Variants in RBFOX2 observed in about 807,000 individuals in gnomAD.
RBFOX2 encodes RNA binding protein fox-1 homolog 2.
A neutral mutation model predicts 49.1 loss-of-function variants in RBFOX2; 10 were observed. The observed-to-expected ratio is 0.20, with a 90% CI of 0.13 to 0.35. The LOEUF (loss-of-function observed/expected upper bound fraction) is 0.35. Ranked by LOEUF, RBFOX2 falls within the 10% of genes least tolerant of loss-of-function variation. RBFOX2 has a pLI of 1.00. For missense variants in RBFOX2, 323 were observed against 486.9 expected (o/e 0.66, Z 3.17); for synonymous variants, 183 against 187.4 (o/e 0.98, Z 0.19).
At chr22:35,829,655 C>T (rs79582383) in intron 1 of RBFOX2, among the ~76,000 whole-genome samples, 3,525 of 152,166 alleles carry the variant, frequency 0.023, 150 homozygotes, top group African/African-American at 0.08. Context: ...TATATATCTG[C>T]GATGACAAGT....
intron 1 of RBFOX2, among the ~76,000 whole-genome samples, chr22:35,902,443 G>T (rs150622738): frequency 2.8e-4 from 42 of 152,212 alleles, no homozygotes; most frequent in African/African-American, 9.9e-4. Context: ...TGTTGCTGAA[G>T]AAAAATCACA....
intron 9 of RBFOX2, 28 bp from the exon 11 acceptor site, chr22:35,756,172 AC>A: frequency 1.3e-6 from 2 of 1,485,026 alleles, no homozygotes; most frequent in East Asian, 5.3e-5. Flanking sequence ...AAAAACAAAA[AC>A]AAAAAAAACA....
Position 35,929,357 on chromosome 22 carries a change from A to G in RBFOX2, c.-34+9490T>C, listed in dbSNP as rs5755998. ...AATTCCACTCCTAGAAATCTACCCA[A>G]GAGAAATTAAAGTATGTCAACACAC... On this transcript the variant is annotated intron_variant, in intron 1 of 13. Transcript: ENST00000359369. Among the ~76,000 whole-genome samples, 135 of 152,192 alleles carry G rather than the reference A, an allele frequency of 8.9e-4. No individual in the cohort carries two copies. The East Asian group carries it at 0.021, about 24-fold the overall frequency.
intron 8 of RBFOX2, 131 bp downstream of exon 9, chr22:35,761,071 G>C: frequency 1.3e-6 from 1 of 743,638 alleles, no homozygotes; most frequent in South Asian, 1.8e-5. Flanking sequence ...CAGGGCACTG[G>C]GATAGTATTT....
intron 10 of RBFOX2, 114 bp downstream of exon 12, chr22:35,746,359 A>C (rs201583279): frequency 6.2e-4 from 610 of 988,140 alleles, no homozygotes; most frequent in Non-Finnish European, 7.6e-4. Context: ...GGCTGGCAAG[A>C]TGCCCGATGT....
chr22:35,811,398 A>T (rs1384828219), intron 1 of RBFOX2, among the ~76,000 whole-genome samples: 1 of 152,146 alleles, frequency 6.6e-6, no homozygotes, highest in Admixed American at 6.6e-5. Context: ...TTATAAGAAA[A>T]GGGAATGTGG....
At chr22:35,971,090 T>C (rs927758941) in intron 1 of RBFOX2, among the ~76,000 whole-genome samples, 2 of 152,124 alleles carry the variant, frequency 1.3e-5, no homozygotes, top group African/African-American at 4.8e-5. Context: ...AATCCTCTTT[T>C]AAGCTGTGCA....
chr22:35,821,300 A>C (rs1954409121), intron 1 of RBFOX2, among the ~76,000 whole-genome samples: 1 of 152,216 alleles, frequency 6.6e-6, no homozygotes, highest in African/African-American at 2.4e-5. Context: ...AGAGCTTATG[A>C]TTAAAAGCAG....
At chr22:35,761,053 A>T in intron 8 of RBFOX2, 149 bp downstream of exon 9, 1 of 679,542 alleles carries the variant, frequency 1.5e-6, no homozygotes, top group Non-Finnish European at 2.5e-6. Context: ...AGCACAGGTT[A>T]AGCAGGACAG....
intron 1 of RBFOX2, among the ~76,000 whole-genome samples, chr22:35,887,356 C>T (rs2046703189): frequency 2.0e-5 from 3 of 152,144 alleles, no homozygotes; most frequent in Admixed American, 1.3e-4. Flanking sequence ...CTGATCCCAT[C>T]TCCTGCACTT....
At chr22:35,950,585 G>C (rs1465642861) in intron 1 of RBFOX2, among the ~76,000 whole-genome samples, 1 of 152,138 alleles carries the variant, frequency 6.6e-6, no homozygotes, top group Non-Finnish European at 1.5e-5. Flanking sequence ...AAGTATCCTA[G>C]AGGGTAGTTT....
chr22:36,008,393 A>G (rs1179444369), intron 1 of RBFOX2, among the ~76,000 whole-genome samples: 1 of 152,218 alleles, frequency 6.6e-6, no homozygotes, highest in Non-Finnish European at 1.5e-5. Context: ...GGATTACATT[A>G]AATATAAATA....
intron 1 of RBFOX2, among the ~76,000 whole-genome samples, chr22:35,876,930 A>G (rs2045189951): frequency 6.6e-6 from 1 of 152,218 alleles, no homozygotes; most frequent in African/African-American, 2.4e-5. Flanking sequence ...TAAATAAGAG[A>G]TACTTTTCCC....
upstream of RBFOX2, among the ~76,000 whole-genome samples, chr22:35,963,279 T>C (rs146582118): frequency 3.9e-5 from 6 of 152,186 alleles, no homozygotes; most frequent in South Asian, 2.1e-4. Flanking sequence ...GAAACCCACA[T>C]TGCAGTGCGG....
Position 36,004,000 on chromosome 22 carries a change from C to A in RBFOX2, c.186+24240G>T, listed in dbSNP as rs532477822. On this transcript the variant is annotated intron_variant, in intron 1 of 13. Coordinates refer to the RBFOX2 transcript ENST00000438146. ...GCACTTTAGGATGTTAAAGTAACAT[C>A]TCTGGCTTCCAACCCCTAGATGCCA... is the stretch of plus-strand genomic sequence containing the variant. Among the ~76,000 whole-genome samples the A allele has an allele frequency of 5.9e-5, 9 of 152,304 alleles. 1 individual carries two copies. The highest frequency in any genetic ancestry group is 1.7e-4 in the African/African-American group (7 of 41,576).
At chr22:35,894,237 T>C (rs1428217621) in intron 1 of RBFOX2, among the ~76,000 whole-genome samples, 2 of 152,212 alleles carry the variant, frequency 1.3e-5, no homozygotes, top group Admixed American at 6.5e-5. Flanking sequence ...CTAACTGCTA[T>C]AGACTTGATT....
intron 1 of RBFOX2, among the ~76,000 whole-genome samples, chr22:35,972,224 G>A (rs2056917144): frequency 6.6e-6 from 1 of 151,982 alleles, no homozygotes; most frequent in Admixed American, 6.6e-5. Context: ...ATTTGAAGTG[G>A]CCTGCTTTTT....
chr22:35,995,251 A>C (rs2058141664), intron 1 of RBFOX2: 1 of 152,234 alleles, frequency 6.6e-6, no homozygotes. Context: ...GGCTACATCC[A>C]TTTGAAATGG....
intron 1 of RBFOX2, among the ~76,000 whole-genome samples, chr22:35,862,525 G>A (rs898157590): frequency 1.1e-4 from 16 of 152,142 alleles, no homozygotes; most frequent in Admixed American, 2.0e-4. Flanking sequence ...CCTTTAGCAC[G>A]TGCATACATC....
Sources: allele counts gnomAD v4.1 joint callset (sites outside exome capture counted in the v4.1 genomes callset), GRCh38; gene constraint gnomAD v4.1.1; transcripts MANE v1.5; gene names NCBI Gene and HGNC (gene_info 2026-07-23, HGNC 2026-07-21).